The following PTPRN2 variants were observed in gnomAD, a reference collection of about 807,000 sequenced individuals.
PTPRN2 encodes the protein protein tyrosine phosphatase receptor type N2.
Under a neutral mutation model 118.8 loss-of-function variants are expected in PTPRN2, and 74 were observed. That is an observed-to-expected ratio of 0.62 (90% CI 0.52 to 0.76). The LOEUF is 0.76. Among genes scored for constraint, PTPRN2 ranks in the 30% least tolerant of loss-of-function variants. The pLI is 0.00. For missense variants in PTPRN2, 1,481 were observed against 1,394.4 expected, an observed-to-expected ratio of 1.06 and a Z score of -0.99; for synonymous variants, 641 against 608.0, an observed-to-expected ratio of 1.05 and a Z score of -0.80.
At chr7:157,791,756 G>C (rs1267260630) in intron 12 of PTPRN2, among the ~76,000 whole-genome samples, 1 of 152,214 alleles carries the variant, frequency 6.6e-6, no homozygotes, top group Non-Finnish European at 1.5e-5. Context: ...CATTTGTTAT[G>C]TCACAAACAC....
intron 12 of PTPRN2, among the ~76,000 whole-genome samples, chr7:157,875,305 C>G (rs1191872057): frequency 3.3e-5 from 5 of 152,188 alleles, no homozygotes; most frequent in Non-Finnish European, 1.5e-5. Flanking sequence ...GGGGAGTTTC[C>G]AGGCGTTCCG....
chr7:158,250,731 G>A (rs4521710), intron 3 of PTPRN2, among the ~76,000 whole-genome samples: 88,016 of 152,002 alleles, frequency 0.58, 25,909 homozygotes, highest in Non-Finnish European at 0.64. Flanking sequence ...ATGTTGCGCC[G>A]TAGTCCTGAT....
At chr7:157,864,479 G>A (rs117326979) in intron 12 of PTPRN2, 1,704 of 152,442 alleles carry the variant, frequency 0.011, 28 homozygotes, top group Non-Finnish European at 0.014. Context: ...GTCCTGTTGG[G>A]GCCAGGGGAG....
intron 12 of PTPRN2, chr7:157,864,263 C>T (rs771049873): frequency 1.3e-5 from 2 of 152,278 alleles, no homozygotes; most frequent in South Asian, 2.1e-4. Flanking sequence ...GTGACTGGGT[C>T]CCCCCATCCA....
chr7:157,639,168 C>A (rs1465936451), intron 14 of PTPRN2, among the ~76,000 whole-genome samples: 4 of 151,868 alleles, frequency 2.6e-5, no homozygotes, highest in Non-Finnish European at 5.9e-5. Context: ...TCCTGAGTAG[C>A]TGGGATTATA....
In PTPRN2 at chr7:158,544,103, C is replaced by T. The variant is rs923139936; in HGVS notation, c.112+43455G>A. ...AGTGCCCCACGCTCAGGAGTGCACC[C>T]GGTGGAGGGGGATATGTACACCCGC... On this transcript the variant is annotated intron_variant, in intron 1 of 22. Coordinates refer to ENST00000389418, the MANE Select transcript of PTPRN2 (RefSeq NM_002847.5). The surrounding 1 kb of genome is among the most constrained non-coding windows in gnomAD (Gnocchi z 4.2). 2.0e-5 allele frequency among the ~76,000 whole-genome samples: 3 copies of T among 152,164 alleles called. No individual in the cohort carries two copies. The highest frequency in any genetic ancestry group is 7.2e-5 in the African/African-American group (3 of 41,432).
rs139440934 is a variant in PTPRN2 at position 157,782,888 on chromosome 7, C to T, written c.1789-99951G>A. On this transcript the variant is annotated intron_variant, in intron 12 of 22. Coordinates refer to ENST00000389418, the MANE Select transcript of PTPRN2 (RefSeq NM_002847.5). ...TGACTCGGGGAGCCTTGAGTGCACT[C>T]GGTGCTGGCTGGCTAACATGGTCTG... Among the ~76,000 whole-genome samples the T allele has an allele frequency of 2.2e-3, 332 of 152,312 alleles. 1 individual carries two copies. Among genetic ancestry groups the T allele is most frequent in the African/African-American group, 7.5e-3 (310 of 41,566 alleles).
chr7:158,243,440 G>A (rs188354231), intron 3 of PTPRN2, among the ~76,000 whole-genome samples: 2 of 152,320 alleles, frequency 1.3e-5, no homozygotes, highest in Admixed American at 1.3e-4. Flanking sequence ...GGTCACTGTA[G>A]TGAGAGGAAA....
At chr7:157,606,306 T>C (rs776486848) in intron 15 of PTPRN2, among the ~76,000 whole-genome samples, 5 of 152,174 alleles carry the variant, frequency 3.3e-5, no homozygotes, top group Non-Finnish European at 7.4e-5. Context: ...GCTGCCTGGG[T>C]CTGCAGCTAC....
Position 157,953,681 on chromosome 7 carries a change from A to G in PTPRN2, c.1724-54944T>C, listed in dbSNP as rs1362065600. ...AGACATCTCATTTTTTCAGAGCTGC[A>G]TCATCAGAGCAGTTGGGGGACAGGA... On this transcript the variant is annotated intron_variant, in intron 11 of 22. Transcript: ENST00000389418. The surrounding 1 kb of genome is among the most constrained non-coding windows in gnomAD (Gnocchi z 4.6). 6.6e-6 allele frequency among the ~76,000 whole-genome samples: 1 copy of G among 152,040 alleles called. No individual in the cohort carries two copies. The highest frequency in any genetic ancestry group is 1.5e-5 in the Non-Finnish European group (1 of 68,000).
At chr7:158,456,528 C>T (rs1301642120) in intron 2 of PTPRN2, among the ~76,000 whole-genome samples, 15 of 148,826 alleles carry the variant, frequency 1.0e-4, no homozygotes, top group Non-Finnish European at 1.6e-4. Flanking sequence ...GGCCATGGCC[C>T]CCCATCGCTC....
intron 3 of PTPRN2, among the ~76,000 whole-genome samples, chr7:158,284,158 C>T (rs937452651): frequency 1.3e-5 from 2 of 152,234 alleles, no homozygotes; most frequent in African/African-American, 4.8e-5. Flanking sequence ...CAATGTGTGT[C>T]GTGCACAGGT....
chr7:157,967,214 T>C (rs1802009246), intron 11 of PTPRN2, among the ~76,000 whole-genome samples: 3 of 152,198 alleles, frequency 2.0e-5, no homozygotes, highest in South Asian at 4.1e-4. Flanking sequence ...TCCCAGCTAC[T>C]TGGGAGGACC....
intron 2 of PTPRN2, among the ~76,000 whole-genome samples, chr7:158,373,969 C>T (rs538236730): frequency 3.3e-5 from 5 of 152,330 alleles, no homozygotes; most frequent in East Asian, 1.9e-4. Flanking sequence ...GAAGATGAGA[C>T]GCTGTGGGTG....
At chr7:158,400,404 C>T (rs1273303480) in intron 2 of PTPRN2, among the ~76,000 whole-genome samples, 1 of 152,080 alleles carries the variant, frequency 6.6e-6, no homozygotes, top group Non-Finnish European at 1.5e-5. Context: ...ACCAGACACA[C>T]AGCTCCTCAG....
intron 12 of PTPRN2, among the ~76,000 whole-genome samples, chr7:157,746,789 T>C (rs1800971424): frequency 6.6e-6 from 1 of 152,062 alleles, no homozygotes; most frequent in South Asian, 2.1e-4. Context: ...TGCTGAGCAG[T>C]TGAGGGGGAT....
chr7:158,494,368 G>T (rs564253491), intron 1 of PTPRN2, among the ~76,000 whole-genome samples: 35 of 152,374 alleles, frequency 2.3e-4, no homozygotes, highest in South Asian at 4.1e-4. Context: ...TGCCATGAGG[G>T]CAGAGAAAGG....
intron 2 of PTPRN2, among the ~76,000 whole-genome samples, chr7:158,355,157 C>A (rs1295099560): frequency 6.6e-6 from 1 of 152,200 alleles, no homozygotes; most frequent in East Asian, 1.9e-4. Context: ...ACCCACCTTA[C>A]AATAAATGCT....
chr7:157,588,172 C>T (rs1800781824), intron 17 of PTPRN2, among the ~76,000 whole-genome samples: 2 of 152,266 alleles, frequency 1.3e-5, no homozygotes, highest in Non-Finnish European at 2.9e-5. Flanking sequence ...TGTGTATCTC[C>T]TGGGCACAGC....
Sources: gnomAD v4.1 joint callset for allele counts (sites outside exome capture counted in the v4.1 genomes callset) on GRCh38, gnomAD v4.1.1 for gene constraint, Gnocchi (gnomAD v3.1) non-coding constraint, MANE v1.5 for transcripts, NCBI Gene and HGNC (gene_info 2026-07-23, HGNC 2026-07-21) for gene names.